The following SIPA1L3 variants were observed in gnomAD, a reference collection of about 807,000 sequenced individuals.
SIPA1L3 encodes the protein signal induced proliferation associated 1 like 3.
Under a neutral mutation model 150.1 loss-of-function variants are expected in SIPA1L3, and 59 were observed. The observed-to-expected ratio is 0.39, with a 90% CI of 0.32 to 0.49. SIPA1L3 has a LOEUF of 0.49. Ranked by LOEUF, SIPA1L3 falls within the 20% of genes least tolerant of loss-of-function variation. SIPA1L3 has a pLI of 0.86. For synonymous variants in SIPA1L3, 1,070 were observed against 1,077.6 expected, an observed-to-expected ratio of 0.99 and a Z score of 0.14; for missense variants, 2,211 against 2,489.5, an observed-to-expected ratio of 0.89 and a Z score of 2.38.
chr19:37,951,544 A>G (rs993248756), intron 1 of SIPA1L3, among the ~76,000 whole-genome samples: 4 of 152,122 alleles, frequency 2.6e-5, no homozygotes, highest in Non-Finnish European at 5.9e-5. Context: ...AAACTTTTGT[A>G]TATTTTTCAC....
intron 2 of SIPA1L3, among the ~76,000 whole-genome samples, chr19:38,034,606 G>A (rs919076213): frequency 7.2e-5 from 11 of 152,188 alleles, no homozygotes; most frequent in African/African-American, 2.7e-4. Flanking sequence ...GAGCCCAGCA[G>A]TGTGTTTTGC....
At chr19:37,935,129 A>G (rs909576268) in intron 1 of SIPA1L3, among the ~76,000 whole-genome samples, 1 of 152,198 alleles carries the variant, frequency 6.6e-6, no homozygotes, top group Non-Finnish European at 1.5e-5. Flanking sequence ...TAGAAGATGT[A>G]TTTTTGGAGG....
intron 12 of SIPA1L3, among the ~76,000 whole-genome samples, chr19:38,147,844 G>A (rs1971734082): frequency 6.6e-6 from 1 of 152,116 alleles, no homozygotes; most frequent in Non-Finnish European, 1.5e-5. Flanking sequence ...AGGTGAATTT[G>A]CTTGGCTGAG....
intron 1 of SIPA1L3, among the ~76,000 whole-genome samples, chr19:38,016,737 C>A (rs1968241060): frequency 3.9e-5 from 6 of 151,978 alleles, no homozygotes; most frequent in Admixed American, 3.9e-4. Flanking sequence ...AAGTGATCCT[C>A]CTGCCTTGTC....
intron 12 of SIPA1L3, among the ~76,000 whole-genome samples, chr19:38,144,442 G>C (rs1486462392): frequency 6.6e-6 from 1 of 152,224 alleles, no homozygotes; most frequent in Non-Finnish European, 1.5e-5. Context: ...CAAACCAGTG[G>C]TTCTCAATCT....
At chr19:38,142,749 ATG>A in intron 12 of SIPA1L3, 39 bp downstream of exon 12, 1 of 1,582,834 alleles carries the variant, frequency 6.3e-7, no homozygotes, top group Non-Finnish European at 8.6e-7. Flanking sequence ...AAGGGATCTG[ATG>A]AAAGCTGTGC....
intron 1 of SIPA1L3, among the ~76,000 whole-genome samples, chr19:37,917,849 T>TA (rs142800067): frequency 6.6e-6 from 1 of 151,912 alleles, no homozygotes; most frequent in African/African-American, 2.4e-5. Context: ...TACAAAAATT[T>TA]AAAAAATTAG....
At chr19:38,182,954 AAG>A (rs1189354589) in intron 16 of SIPA1L3, 6 of 535,338 alleles carry the variant, frequency 1.1e-5, no homozygotes, top group Non-Finnish European at 3.3e-6. Context: ...TAAGTAGAAT[AAG>A]AGAAGCACGC....
At chr19:37,925,321 G>C (rs552433868) in intron 1 of SIPA1L3, among the ~76,000 whole-genome samples, 1 of 152,248 alleles carries the variant, frequency 6.6e-6, no homozygotes, top group Non-Finnish European at 1.5e-5. Flanking sequence ...GGAGGGTGTT[G>C]AAATTTTGGG....
chr19:38,063,531 C>T (rs1316988606), intron 2 of SIPA1L3, among the ~76,000 whole-genome samples: 1 of 152,254 alleles, frequency 6.6e-6, no homozygotes, highest in African/African-American at 2.4e-5. Flanking sequence ...ATCTCCAGGC[C>T]CAACAGATGC....
At position 38,193,685 on chromosome 19, in the gene SIPA1L3, G is replaced by A. The variant is rs377738755; in HGVS notation, c.4745G>A (p.Ser1582Asn). Residue 1582 changes from serine to asparagine, a missense_variant, in exon 18 of 22, where the codon AGC becomes AAC. Coordinates refer to ENST00000222345, the MANE Select transcript of SIPA1L3 (RefSeq NM_015073.3). ...ACCAGCACCTGCGCCTTCCCGTCCA[G>A]CACGCTGCCTGCACGCCGCCAGCAC... is the stretch of plus-strand genomic sequence containing the variant. The part of the protein sequence containing the change: ...LFTSTCAFPS[S>N]TLPARRQHQH... 284 of 1,576,032 alleles carry A rather than the reference G, an allele frequency of 1.8e-4. No homozygotes were observed. The highest frequency in any genetic ancestry group is 2.3e-4 in the Non-Finnish European group (266 of 1,168,796).
chr19:37,916,132 C>G (rs927865634), intron 1 of SIPA1L3, among the ~76,000 whole-genome samples: 5 of 151,946 alleles, frequency 3.3e-5, no homozygotes, highest in Admixed American at 3.3e-4. Flanking sequence ...GTTCAAATGA[C>G]TGTCCTGCCT....
intron 15 of SIPA1L3, among the ~76,000 whole-genome samples, chr19:38,173,023 C>T (rs910105384): frequency 6.6e-6 from 1 of 152,080 alleles, no homozygotes; most frequent in African/African-American, 2.4e-5. Context: ...GATTGCTTGA[C>T]CCCGGGAAGT....
intron 1 of SIPA1L3, among the ~76,000 whole-genome samples, chr19:37,927,254 C>T (rs1400225777): frequency 6.6e-6 from 1 of 151,110 alleles, no homozygotes; most frequent in Non-Finnish European, 1.5e-5. Flanking sequence ...AGCAATTCTC[C>T]CTACCTCAGC....
At chr19:38,157,566 A>G (rs1971977766) in intron 13 of SIPA1L3, among the ~76,000 whole-genome samples, 1 of 152,084 alleles carries the variant, frequency 6.6e-6, no homozygotes, top group Admixed American at 6.6e-5. Context: ...GGTTGCCTCC[A>G]TGGTCACCGG....
At chr19:38,126,869 C>T (rs978858018) in intron 9 of SIPA1L3, among the ~76,000 whole-genome samples, 21 of 152,102 alleles carry the variant, frequency 1.4e-4, no homozygotes, top group Non-Finnish European at 4.4e-5. Context: ...AAATTGCAAG[C>T]ATACACTAAA....
At chr19:37,952,974 G>C (rs1157571466) in intron 1 of SIPA1L3, among the ~76,000 whole-genome samples, 2 of 152,210 alleles carry the variant, frequency 1.3e-5, no homozygotes, top group African/African-American at 4.8e-5. Flanking sequence ...GCTCACGCCT[G>C]TAATCCCAGC....
chr19:38,122,460 C>T (rs1486415881), intron 9 of SIPA1L3, among the ~76,000 whole-genome samples: 1 of 152,140 alleles, frequency 6.6e-6, no homozygotes, highest in African/African-American at 2.4e-5. Context: ...AGAGCCCTCA[C>T]CCTGGAGCGA....
At chr19:38,183,403 T>C (rs1328379852) in intron 16 of SIPA1L3, among the ~76,000 whole-genome samples, 1 of 151,714 alleles carries the variant, frequency 6.6e-6, no homozygotes. Context: ...GGATAGATTA[T>C]CTGAAATGGA....
Sources: allele counts gnomAD v4.1 joint callset (sites outside exome capture counted in the v4.1 genomes callset), GRCh38; gene constraint gnomAD v4.1.1; transcripts MANE v1.5; gene names NCBI Gene and HGNC (gene_info 2026-07-23, HGNC 2026-07-21).